The following NXPH1 variants were observed in gnomAD, a reference collection of about 807,000 sequenced individuals.
NXPH1 encodes neurexophilin-1.
NXPH1 carries 5 observed loss-of-function variants against 23.7 expected under a neutral mutation model. The observed-to-expected ratio is 0.21, with a 90% confidence interval of 0.11 to 0.44. NXPH1 has a LOEUF of 0.44. Ranked by LOEUF, NXPH1 falls within the 20% of genes least tolerant of loss-of-function variation. The pLI, the probability that NXPH1 is intolerant of heterozygous loss-of-function variation, is 0.99. For missense variants in NXPH1, 324 were observed against 321.6 expected, an observed-to-expected ratio of 1.01 and a Z score of -0.06; for synonymous variants, 144 against 122.2, an observed-to-expected ratio of 1.18 and a Z score of -1.18.
At chr7:8,494,930 G>A (rs991675649) in intron 2 of NXPH1, among the ~76,000 whole-genome samples, 1 of 152,008 alleles carries the variant, frequency 6.6e-6, no homozygotes, top group East Asian at 1.9e-4. Context: ...CCCACTAAAT[G>A]CTGTCTCTTG....
intron 2 of NXPH1, among the ~76,000 whole-genome samples, chr7:8,533,608 C>T (rs542687981): frequency 3.7e-4 from 56 of 152,174 alleles, no homozygotes; most frequent in African/African-American, 1.3e-3. Flanking sequence ...AGGCAACTCG[C>T]CTATCTCTTT....
intron 2 of NXPH1, among the ~76,000 whole-genome samples, chr7:8,481,672 T>A (rs527665656): frequency 6.6e-6 from 1 of 152,214 alleles, no homozygotes; most frequent in South Asian, 2.1e-4. Flanking sequence ...TTTCATCTTA[T>A]TTTTTCATTT....
At chr7:8,555,741 C>A (rs1033379649) in intron 2 of NXPH1, among the ~76,000 whole-genome samples, 11 of 151,666 alleles carry the variant, frequency 7.3e-5, no homozygotes. Flanking sequence ...TTGTTCATTA[C>A]CAGTTTTGAA....
chr7:8,613,521 A>G (rs1024094573), intron 2 of NXPH1, among the ~76,000 whole-genome samples: 1 of 151,974 alleles, frequency 6.6e-6, no homozygotes, highest in Non-Finnish European at 1.5e-5. Flanking sequence ...AAGACACTTG[A>G]TGTAGCTTTC....
At chr7:8,496,886 T>C (rs1817346416) in intron 2 of NXPH1, among the ~76,000 whole-genome samples, 1 of 152,140 alleles carries the variant, frequency 6.6e-6, no homozygotes, top group South Asian at 2.1e-4. Flanking sequence ...TTAAAAATTA[T>C]ACTTTAAGTT....
intron 2 of NXPH1, among the ~76,000 whole-genome samples, chr7:8,663,535 G>A (rs147510184): frequency 1.4e-3 from 218 of 152,098 alleles, no homozygotes; most frequent in African/African-American, 4.8e-3. Flanking sequence ...AGCTAAAGCC[G>A]GCTTCTGTTC....
chr7:8,530,130 A>T (rs1817927635), intron 2 of NXPH1, among the ~76,000 whole-genome samples: 1 of 152,066 alleles, frequency 6.6e-6, no homozygotes, highest in Non-Finnish European at 1.5e-5. Flanking sequence ...GTAGAGAAAA[A>T]CCAATCATCA....
At chr7:8,513,317 T>G (rs1563332397) in intron 2 of NXPH1, among the ~76,000 whole-genome samples, 1 of 152,192 alleles carries the variant, frequency 6.6e-6, no homozygotes, top group South Asian at 2.1e-4. Flanking sequence ...CTCAGTCTCT[T>G]ACCTGCAATT....
intron 2 of NXPH1, among the ~76,000 whole-genome samples, chr7:8,450,072 A>C (rs1284001620): frequency 6.6e-6 from 1 of 152,228 alleles, no homozygotes; most frequent in East Asian, 1.9e-4. Context: ...CATAAAGTAC[A>C]ACCCTCAGTC....
chr7:8,461,644 C>A (rs1179336087), intron 2 of NXPH1, among the ~76,000 whole-genome samples: 1 of 150,290 alleles, frequency 6.7e-6, no homozygotes, highest in Admixed American at 6.6e-5. Flanking sequence ...TCCTGGCTAA[C>A]AAGGTGAAAC....
intron 2 of NXPH1, among the ~76,000 whole-genome samples, chr7:8,697,765 C>A (rs750502759): frequency 6.6e-6 from 1 of 152,138 alleles, no homozygotes; most frequent in Non-Finnish European, 1.5e-5. Flanking sequence ...AAGTCTCAGG[C>A]AAACATGTTC....
chr7:8,502,349 G>T (rs1311969163), intron 2 of NXPH1, among the ~76,000 whole-genome samples: 1 of 151,884 alleles, frequency 6.6e-6, no homozygotes, highest in East Asian at 1.9e-4. Context: ...GAGGAACTAG[G>T]TCTAAAACTA....
chr7:8,695,729 C>G (rs944677431), intron 2 of NXPH1, among the ~76,000 whole-genome samples: 1 of 152,108 alleles, frequency 6.6e-6, no homozygotes, highest in Non-Finnish European at 1.5e-5. Flanking sequence ...ACTGTCAGCA[C>G]TCAAAACTTT....
At chr7:8,622,923 G>A (rs2115125617) in intron 2 of NXPH1, among the ~76,000 whole-genome samples, 1 of 152,266 alleles carries the variant, frequency 6.6e-6, no homozygotes, top group African/African-American at 2.4e-5. Flanking sequence ...GTAGCTGCTG[G>A]AGTGGTCTTG....
At chr7:8,626,463 C>T (rs1345199848) in intron 2 of NXPH1, among the ~76,000 whole-genome samples, 1 of 151,720 alleles carries the variant, frequency 6.6e-6, no homozygotes, top group Non-Finnish European at 1.5e-5. Context: ...TTGCCACCCA[C>T]CTTGGATTCC....
intron 2 of NXPH1, among the ~76,000 whole-genome samples, chr7:8,623,800 T>C (rs1819930825): frequency 6.6e-6 from 1 of 151,834 alleles, no homozygotes; most frequent in South Asian, 2.1e-4. Flanking sequence ...GTATCTATAT[T>C]TACATGTAAA....
At chr7:8,595,330 T>C (rs1017079801) in intron 2 of NXPH1, among the ~76,000 whole-genome samples, 3 of 152,090 alleles carry the variant, frequency 2.0e-5, no homozygotes, top group African/African-American at 7.2e-5. Flanking sequence ...TAATGAATTT[T>C]AGTGCATTTA....
intron 2 of NXPH1, among the ~76,000 whole-genome samples, chr7:8,605,657 G>A (rs138846411): frequency 1.7e-3 from 264 of 152,166 alleles, no homozygotes; most frequent in African/African-American, 6.1e-3. Context: ...CAACGTCAGA[G>A]ATCAAAATAC....
At chr7:8,443,756 C>T (rs1816348011) in intron 2 of NXPH1, among the ~76,000 whole-genome samples, 1 of 152,180 alleles carries the variant, frequency 6.6e-6, no homozygotes, top group Non-Finnish European at 1.5e-5. Context: ...TGGTTAGGCT[C>T]GCCAGCGTGG....
Sources: allele counts gnomAD v4.1 joint callset (sites outside exome capture counted in the v4.1 genomes callset), GRCh38; gene constraint gnomAD v4.1.1; transcripts MANE v1.5; gene names NCBI Gene and HGNC (gene_info 2026-07-23, HGNC 2026-07-21).